NHSL1: variants seen among roughly 807,000 people sequenced by gnomAD.
NHSL1 encodes the protein NHS-like protein 1.
A neutral mutation model predicts 95.0 loss-of-function variants in NHSL1; 48 were observed. The ratio of observed to expected loss-of-function variants is 0.51; its 90% CI spans 0.40 to 0.64. The LOEUF (loss-of-function observed/expected upper bound fraction) is 0.64. Among genes scored for constraint, NHSL1 ranks in the 30% least tolerant of loss-of-function variants. The pLI, the probability that NHSL1 is intolerant of heterozygous loss-of-function variation, is 0.00. For missense variants in NHSL1, 1,971 were observed against 2,077.7 expected (o/e 0.95, Z 1.00); for synonymous variants, 783 against 833.9 (o/e 0.94, Z 1.05).
chr6:138,608,769 T>A (rs781670322), intron 1 of NHSL1, among the ~76,000 whole-genome samples: 1 of 152,216 alleles, frequency 6.6e-6, no homozygotes, highest in Non-Finnish European at 1.5e-5. Flanking sequence ...CCATAATTTA[T>A]AAGACAAATA....
At chr6:138,542,394 G>C (rs1402760526) in intron 1 of NHSL1, among the ~76,000 whole-genome samples, 2 of 152,202 alleles carry the variant, frequency 1.3e-5, no homozygotes, top group Non-Finnish European at 2.9e-5. Flanking sequence ...TGACAGCTCT[G>C]GGAAACTAAT....
At position 138,650,280 on chromosome 6, in the gene NHSL1, A is replaced by G. The variant is rs1049623180; in HGVS notation, c.96+42196T>C. ...GTGGAAAAGCAGGCTGGAGCCTTGG[A>G]AGAGCTGGCCCTACATACTCAGGTA... On this transcript the variant is annotated intron_variant, in intron 1 of 3. Transcript: ENST00000491526. 26 of 670,088 alleles carry G rather than the reference A, an allele frequency of 3.9e-5. No individual in the cohort carries two copies. The African/African-American group carries it at 4.7e-4, about 12-fold the overall frequency. 41.5% of individuals were successfully genotyped at this position (670,088 alleles called of 1,614,324 possible).
rs759312514 is a variant in NHSL1, at chr6:138,496,329, T to C, written c.101A>G (p.Tyr34Cys). The C allele has an allele frequency of 6.4e-7, 1 of 1,550,548 alleles. No homozygotes were observed. The highest frequency in any genetic ancestry group is 2.4e-5 in the East Asian group (1 of 40,920). ...LDEESRWTVH[Y>C]TAPWHQQENV... ...CTCCTGCTGGTGCCACGGGGCAGTG[T>C]AGTGGACTGTCCATCGGCTTTCCTC... Residue 34 changes from tyrosine to cysteine, a missense_variant, in exon 2 of 8, where the codon TAC becomes TGC. This residue lies in a region of NHSL1 where 1,602 missense variants were observed against 1,654.5 expected (regional missense o/e 0.97). Transcript: ENST00000343505.
intron 1 of NHSL1, among the ~76,000 whole-genome samples, chr6:138,623,019 G>GGC (rs1784685821): frequency 6.6e-6 from 1 of 152,138 alleles, no homozygotes; most frequent in African/African-American, 2.4e-5. Flanking sequence ...CATAATACAG[G>GGC]GCCCTGCAAC....
intron 1 of NHSL1, among the ~76,000 whole-genome samples, chr6:138,601,055 T>C (rs1207134688): frequency 6.6e-6 from 1 of 152,228 alleles, no homozygotes; most frequent in Non-Finnish European, 1.5e-5. Context: ...TCCCTTCATT[T>C]ACTTTTTAAG....
At chr6:138,494,075 T>C (rs937952853) in intron 2 of NHSL1, among the ~76,000 whole-genome samples, 15 of 152,150 alleles carry the variant, frequency 9.9e-5, no homozygotes, top group Non-Finnish European at 1.9e-4. Context: ...GAACAAAAAA[T>C]AGAACCATGA....
Position 138,457,348 on chromosome 6 carries a change from T to C in NHSL1, c.340-10155A>G, listed in dbSNP as rs146160371. ...CATCAAAGATATGTGTGGATCTCGTTAGCAAAACATCTTTCTTCATAACAT... is the reference window on the plus strand; with the variant it reads ...CATCAAAGATATGTGTGGATCTCGTCAGCAAAACATCTTTCTTCATAACAT... On this transcript the variant is annotated intron_variant, in intron 3 of 7. Coordinates refer to ENST00000343505, the MANE Select transcript of NHSL1 (RefSeq NM_001144060.2). Among the ~76,000 whole-genome samples, 123 of 152,074 alleles carry C rather than the reference T, an allele frequency of 8.1e-4. 1 individual carries two copies. The highest frequency in any genetic ancestry group is 2.9e-3 in the African/African-American group (120 of 41,460).
At chr6:138,618,308 A>G (rs1027233254) in intron 1 of NHSL1, among the ~76,000 whole-genome samples, 11 of 152,234 alleles carry the variant, frequency 7.2e-5, no homozygotes, top group Admixed American at 5.2e-4. Context: ...ACAGATGTGT[A>G]TATTTTCAAA....
chr6:138,689,088 T>C (rs77059810), intron 1 of NHSL1, among the ~76,000 whole-genome samples: 1 of 152,248 alleles, frequency 6.6e-6, no homozygotes, highest in East Asian at 1.9e-4. Context: ...CCATCCTCCT[T>C]CCTCCCTAAG....
At chr6:138,588,694 C>T (rs545013984) in intron 1 of NHSL1, among the ~76,000 whole-genome samples, 28 of 152,206 alleles carry the variant, frequency 1.8e-4, no homozygotes, top group African/African-American at 6.3e-4. Flanking sequence ...TCTCTTAAAA[C>T]GTGTTGTTGT....
At position 138,499,310 on chromosome 6, in the gene NHSL1, A is replaced by G; in HGVS notation, c.-20T>C. On this transcript the variant is annotated 5_prime_UTR_variant, in exon 1 of 8. Coordinates refer to ENST00000343505, the MANE Select transcript of NHSL1 (RefSeq NM_001144060.2). The stretch of plus-strand genomic sequence containing the variant: ...CACCATTTCCAGGGCACCTACATAG[A>G]GCTTAGAAATGTAAATCACATTAAA... 1 of 1,550,270 alleles carries G rather than the reference A, an allele frequency of 6.5e-7. No homozygotes were observed. Among genetic ancestry groups the G allele is most frequent in the Non-Finnish European group, 8.7e-7 (1 of 1,146,082 alleles).
At chr6:138,458,063 C>T (rs900425212) in intron 3 of NHSL1, among the ~76,000 whole-genome samples, 2 of 151,376 alleles carry the variant, frequency 1.3e-5, no homozygotes, top group South Asian at 2.1e-4. Flanking sequence ...ACATGAACCA[C>T]GGTTAGGAGT....
rs948817033 is a variant in NHSL1, at chr6:138,595,798, A to G, written c.96+96678T>C. ...TTTCGGAAACAAAACGCTGAGTCCTATGGAGACAATGGGTAAGAGAAAGTG... is the reference window on the plus strand; with the variant it reads ...TTTCGGAAACAAAACGCTGAGTCCTGTGGAGACAATGGGTAAGAGAAAGTG... On this transcript the variant is annotated intron_variant, in intron 1 of 3. Transcript: ENST00000491526. Among the ~76,000 whole-genome samples the G allele has an allele frequency of 5.3e-5, 8 of 152,334 alleles. No individual in the cohort carries two copies. In the South Asian group the frequency reaches 6.2e-4, roughly 12 times the overall value.
At chr6:138,505,192 A>G (rs1780895570) in intron 1 of NHSL1, among the ~76,000 whole-genome samples, 2 of 152,174 alleles carry the variant, frequency 1.3e-5, no homozygotes, top group Admixed American at 6.5e-5. Context: ...TAAGGTACTG[A>G]AAGTCTTTAT....
chr6:138,430,218 T>G lies in NHSL1; in HGVS notation c.3952+175A>C, dbSNP rs1775542031. ...CTAGATTTTAAAAATAATAACAAAA[T>G]GCAAAGTTGGTAACTTAATCTGTGT... On this transcript the variant is annotated intron_variant, in intron 6 of 7. Transcript: ENST00000343505. The surrounding 1 kb of genome is among the most constrained non-coding windows in gnomAD (Gnocchi z 4.7). Among the ~76,000 whole-genome samples the G allele has an allele frequency of 6.6e-6, 1 of 152,174 alleles. No homozygotes were observed. The highest frequency in any genetic ancestry group is 2.4e-5 in the African/African-American group (1 of 41,436).
upstream of NHSL1, among the ~76,000 whole-genome samples, chr6:138,575,378 G>A (rs1031040582): frequency 1.3e-5 from 2 of 152,126 alleles, no homozygotes; most frequent in African/African-American, 4.8e-5. Flanking sequence ...GAAGCTAAAG[G>A]AACATTTCCT....
chr6:138,483,279 A>G (rs776639044), intron 2 of NHSL1, among the ~76,000 whole-genome samples: 74 of 152,194 alleles, frequency 4.9e-4, no homozygotes, highest in Non-Finnish European at 7.2e-4. Flanking sequence ...CCAAAGGAAA[A>G]GAGGGTTGGT....
chr6:138,490,962 G>A (rs963933574), intron 2 of NHSL1, among the ~76,000 whole-genome samples: 3 of 152,168 alleles, frequency 2.0e-5, no homozygotes, highest in Non-Finnish European at 4.4e-5. Context: ...TAAACAGGTC[G>A]ATGTGTGCAC....
intron 1 of NHSL1, among the ~76,000 whole-genome samples, chr6:138,591,400 CA>C (rs1459026082): frequency 1.1e-4 from 16 of 152,106 alleles, no homozygotes; most frequent in African/African-American, 3.6e-4. Context: ...ATCAACAATT[CA>C]TAAGTTTTCT....
Sources: gnomAD v4.1 joint callset for allele counts (sites outside exome capture counted in the v4.1 genomes callset) on GRCh38, gnomAD v4.1.1 for gene constraint, gnomAD v4.1.1 regional missense constraint, Gnocchi (gnomAD v3.1) non-coding constraint, MANE v1.5 for transcripts, NCBI Gene and HGNC (gene_info 2026-07-23, HGNC 2026-07-21) for gene names.